Variants in IGSF3 observed in about 807,000 individuals in gnomAD.
The protein encoded by IGSF3 is glu-Trp-Ile EWI motif-containing protein 3.
In IGSF3, 23 loss-of-function variants were observed where a neutral mutation model predicts 114.4. That is an observed-to-expected ratio of 0.20 (90% CI 0.14 to 0.28). The LOEUF (loss-of-function observed/expected upper bound fraction) is 0.28. Among genes scored for constraint, IGSF3 ranks in the 10% least tolerant of loss-of-function variants. The pLI is 1.00. For synonymous variants in IGSF3, 571 were observed against 645.2 expected, an observed-to-expected ratio of 0.88 and a Z score of 1.74; for missense variants, 1,172 against 1,591.5, an observed-to-expected ratio of 0.74 and a Z score of 4.48.
In IGSF3 at chr1:116,596,947, A is replaced by G. The variant is rs1660368052; in HGVS notation, c.2029+2994T>C. On this transcript the variant is annotated intron_variant, in intron 7 of 10. Transcript: ENST00000369486. This position sits in a 1 kb window ranked among gnomAD's most constrained non-coding sequence, Gnocchi z 4.1. ...ATTAGCTGCTACTGTTGTTACTACC[A>G]GTAACACTAGTGCTATAACTCCTCC... Among the ~76,000 whole-genome samples, 1 of 152,248 alleles carries G rather than the reference A, an allele frequency of 6.6e-6. No homozygotes were observed. Among genetic ancestry groups the G allele is most frequent in the East Asian group, 1.9e-4 (1 of 5,204 alleles).
At position 116,634,542 on chromosome 1, in the gene IGSF3, G is replaced by T. The variant is rs1401259206; in HGVS notation, c.44-18085C>A. On this transcript the variant is annotated intron_variant, in intron 2 of 10. Coordinates refer to ENST00000369486, the MANE Select transcript of IGSF3 (RefSeq NM_001007237.3). The surrounding 1 kb of genome is among the most constrained non-coding windows in gnomAD (Gnocchi z 4.2). ...TCTCTTGCTTCTCTCCCAGTTCTCAGTTTGCCCATCAAATCTCAGGTGGCA... is the reference window on the plus strand; with the variant it reads ...TCTCTTGCTTCTCTCCCAGTTCTCATTTTGCCCATCAAATCTCAGGTGGCA... Among the ~76,000 whole-genome samples, 1 of 152,188 alleles carries T rather than the reference G, an allele frequency of 6.6e-6. No homozygotes were observed. The highest frequency in any genetic ancestry group is 1.5e-5 in the Non-Finnish European group (1 of 68,032).
In IGSF3 at chr1:116,590,064, G is replaced by A. The variant is rs12033226; in HGVS notation, c.2030-960C>T. ...CAGGTAATTAGAGGATGCTGCGGGC[G>A]GGGGGAGAGGGGGCTTCCTCTGGGG... On this transcript the variant is annotated intron_variant, in intron 7 of 10. Coordinates refer to ENST00000369486, the MANE Select transcript of IGSF3 (RefSeq NM_001007237.3). Among the ~76,000 whole-genome samples the A allele has an allele frequency of 8.2e-3, 1,246 of 152,120 alleles. 53 individuals are homozygous for A. The East Asian group carries it at 0.12, about 14-fold the overall frequency.
intron 5 of IGSF3, among the ~76,000 whole-genome samples, chr1:116,604,422 C>A (rs1660714657): frequency 6.6e-6 from 1 of 152,194 alleles, no homozygotes; most frequent in Non-Finnish European, 1.5e-5. Context: ...CAAAATCCTA[C>A]TTCACTTCAC....
chr1:116,653,927 C>T (rs1215220821), intron 2 of IGSF3, among the ~76,000 whole-genome samples: 3 of 152,166 alleles, frequency 2.0e-5, no homozygotes, highest in Non-Finnish European at 2.9e-5. Context: ...TTCTTTGTAA[C>T]GAAATATCAG....
chr1:116,581,206 T>C (rs1012460373), intron 9 of IGSF3, among the ~76,000 whole-genome samples: 7 of 151,892 alleles, frequency 4.6e-5, no homozygotes, highest in Admixed American at 1.3e-4. Context: ...CAGGAGGATG[T>C]ACGCAAAGTG....
chr1:116,638,750 A>G lies in IGSF3; in HGVS notation c.44-22293T>C, dbSNP rs1165958635. On this transcript the variant is annotated intron_variant, in intron 2 of 10. Transcript: ENST00000369486. This position sits in a 1 kb window ranked among gnomAD's most constrained non-coding sequence, Gnocchi z 4.1. ...GGGGAAAACAGCAATAGGACCAGCT[A>G]ACTCCTACAGCAGAGTCTTGCCAGG... 6.6e-6 allele frequency among the ~76,000 whole-genome samples: 1 copy of G among 152,206 alleles called. No individual in the cohort carries two copies. Among genetic ancestry groups the G allele is most frequent in the African/African-American group, 2.4e-5 (1 of 41,446 alleles).
intron 5 of IGSF3, 27 bp from the exon 6 acceptor site, chr1:116,604,052 T>C (rs1466996634): frequency 7.7e-6 from 12 of 1,551,298 alleles, no homozygotes; most frequent in Non-Finnish European, 1.0e-5. Flanking sequence ...AGAAACACCC[T>C]GGAGGCTTTA....
chr1:116,583,894 A>G lies in IGSF3; in HGVS notation c.2848+751T>C, dbSNP rs1035999801. ...ACACAGAATAGTTATTAGTACTAAT[A>G]AAATTATTGGGACCAGGCACAGTAG... On this transcript the variant is annotated intron_variant, in intron 9 of 10. Coordinates refer to ENST00000369486, the MANE Select transcript of IGSF3 (RefSeq NM_001007237.3). The surrounding 1 kb of genome is among the most constrained non-coding windows in gnomAD (Gnocchi z 4.5). 1.3e-5 allele frequency among the ~76,000 whole-genome samples: 2 copies of G among 152,264 alleles called. No homozygotes were observed. The highest frequency in any genetic ancestry group is 2.9e-5 in the Non-Finnish European group (2 of 68,048).
intron 7 of IGSF3, among the ~76,000 whole-genome samples, chr1:116,599,445 T>C (rs1660480643): frequency 6.6e-6 from 1 of 151,976 alleles, no homozygotes; most frequent in Non-Finnish European, 1.5e-5. Context: ...GGAATTGTTC[T>C]AGATTAAAGG....
At chr1:116,653,256 G>A (rs1648707167) in intron 2 of IGSF3, among the ~76,000 whole-genome samples, 2 of 152,312 alleles carry the variant, frequency 1.3e-5, no homozygotes, top group Middle Eastern at 6.8e-3. Context: ...CTATACATTT[G>A]CAAAAGGGAA....
chr1:116,601,832 A>G (rs1455411549), intron 6 of IGSF3, among the ~76,000 whole-genome samples: 1 of 152,050 alleles, frequency 6.6e-6, no homozygotes, highest in Non-Finnish European at 1.5e-5. Context: ...AGGGTGGTGT[A>G]GGACAGAACC....
intron 2 of IGSF3, among the ~76,000 whole-genome samples, chr1:116,660,501 T>C (rs1300425385): frequency 6.7e-6 from 1 of 149,544 alleles, no homozygotes; most frequent in African/African-American, 2.5e-5. Context: ...TTTTTTTTTT[T>C]TGAGACAGAG....
intron 2 of IGSF3, among the ~76,000 whole-genome samples, chr1:116,641,236 G>A (rs887508407): frequency 3.3e-5 from 5 of 152,088 alleles, no homozygotes; most frequent in African/African-American, 4.8e-5. Context: ...GGTGGCTCAC[G>A]CCTGTAATTC....
rs201151094 is a variant in IGSF3 at position 116,585,080 on chromosome 1, G to A, written c.2441-28C>T. 9 of 1,495,750 alleles carry A rather than the reference G, an allele frequency of 6.0e-6. No individual in the cohort carries two copies. The highest frequency in any genetic ancestry group is 2.3e-5 in the East Asian group (1 of 43,666). The allele number at this position is 1,495,750 out of a possible 1,614,324, so 92.7% of individuals were successfully genotyped here. On this transcript the variant is annotated intron_variant, in intron 8 of 10. Coordinates refer to ENST00000369486, the MANE Select transcript of IGSF3 (RefSeq NM_001007237.3). This position sits in a 1 kb window ranked among gnomAD's most constrained non-coding sequence, Gnocchi z 4.9. ...GGAACAGTAAGGAAGAGACGTCAGC[G>A]ACAAAAGGACAACAAGCAATTCGTA... is the stretch of plus-strand genomic sequence containing the variant.
chr1:116,601,344 A>C (rs1457002059), intron 6 of IGSF3, among the ~76,000 whole-genome samples: 1 of 152,242 alleles, frequency 6.6e-6, no homozygotes, highest in Admixed American at 6.5e-5. Flanking sequence ...CATGGAAAGC[A>C]TAACACAGTG....
rs1019663912 is a variant in IGSF3, at chr1:116,638,841, A to C, written c.44-22384T>G. On this transcript the variant is annotated intron_variant, in intron 2 of 10. Transcript: ENST00000369486. This position sits in a 1 kb window ranked among gnomAD's most constrained non-coding sequence, Gnocchi z 4.1. ...CTCACAACTACAACAGGAGGTGGGT[A>C]CCATTCCATCCCCACCTGCAGATGA... Among the ~76,000 whole-genome samples the C allele has an allele frequency of 6.6e-6, 1 of 152,198 alleles. No homozygotes were observed. The highest frequency in any genetic ancestry group is 1.5e-5 in the Non-Finnish European group (1 of 68,044).
chr1:116,631,284 C>CTCCAG (rs1283370100), intron 2 of IGSF3, among the ~76,000 whole-genome samples: 1 of 143,694 alleles, frequency 7.0e-6, no homozygotes, highest in Non-Finnish European at 1.5e-5. Context: ...CACCACTGCA[C>CTCCAG]TCCAGCCTGG....
Position 116,576,106 on chromosome 1 carries a change from G to A in IGSF3, c.*1206C>T, listed in dbSNP as rs995488386. The A allele has an allele frequency of 6.6e-6, 1 of 152,158 alleles. No homozygotes were observed. The highest frequency in any genetic ancestry group is 2.4e-5 in the African/African-American group (1 of 41,390). The allele number at this position is 152,158 out of a possible 1,614,324, so 9.4% of individuals were successfully genotyped here. ...TTAAGGAAAATCTAATTGGAAGGAA[G>A]AAGAAAAACCTAGTCTTCACACCTC... On this transcript the variant is annotated 3_prime_UTR_variant, in exon 11 of 11. Coordinates refer to ENST00000369486, the MANE Select transcript of IGSF3 (RefSeq NM_001007237.3). The surrounding 1 kb of genome is among the most constrained non-coding windows in gnomAD (Gnocchi z 4.6).
rs924815441 is a variant in IGSF3 at position 116,575,345 on chromosome 1, G to C, written c.*1967C>G. 1 of 152,682 alleles carries C rather than the reference G, an allele frequency of 6.5e-6. No individual in the cohort carries two copies. The highest frequency in any genetic ancestry group is 1.5e-5 in the Non-Finnish European group (1 of 68,054). The allele number at this position is 152,682 out of a possible 1,614,324, so 9.5% of individuals were successfully genotyped here. A position where few individuals can be genotyped will look rare whatever the true frequency, so the allele number is the denominator to read the frequency against. On this transcript the variant is annotated 3_prime_UTR_variant, in exon 11 of 11. Transcript: ENST00000369486. The surrounding 1 kb of genome is among the most constrained non-coding windows in gnomAD (Gnocchi z 5.6). ...TAAGGTGGTGGTGCCTGCACACACT[G>C]TCTCACAGGAGGGTACGGTATACTT...
Sources: allele counts gnomAD v4.1 joint callset (sites outside exome capture counted in the v4.1 genomes callset), GRCh38; gene constraint gnomAD v4.1.1; non-coding constraint Gnocchi (gnomAD v3.1); transcripts MANE v1.5; gene names NCBI Gene and HGNC (gene_info 2026-07-23, HGNC 2026-07-21).